PIWIL1: variants seen among roughly 807,000 people sequenced by gnomAD.
The protein encoded by PIWIL1 is piwi like RNA-mediated gene silencing 1, also known as piwi-like protein 1.
A neutral mutation model predicts 114.4 loss-of-function variants in PIWIL1; 73 were observed. The ratio of observed to expected loss-of-function variants is 0.64; its 90% CI spans 0.53 to 0.78. The LOEUF (loss-of-function observed/expected upper bound fraction) is 0.78, where lower values mean the gene tolerates loss of function less well. Among genes scored for constraint, PIWIL1 ranks in the 30% least tolerant of loss-of-function variants. The pLI is 0.00. For synonymous variants in PIWIL1, 375 were observed against 369.0 expected (o/e 1.02, Z -0.19); for missense variants, 723 against 1,063.1 (o/e 0.68, Z 4.45).
intron 12 of PIWIL1, 61 bp downstream of exon 12, chr12:130,355,728 C>A: frequency 8.6e-7 from 1 of 1,161,322 alleles, no homozygotes; most frequent in Non-Finnish European, 1.3e-6. Context: ...CTCTGTCCCC[C>A]AGGCAGGAGT....
intron 18 of PIWIL1, among the ~76,000 whole-genome samples, chr12:130,363,829 G>A (rs11833688): frequency 0.09 from 13,613 of 151,908 alleles, 1,984 homozygotes; most frequent in African/African-American, 0.31. Flanking sequence ...CGTTTGCCAA[G>A]CTGGTCTCAA....
chr12:130,393,926 A>G, the PIWIL1 span, among the ~76,000 whole-genome samples: 1 of 152,086 alleles, frequency 6.6e-6, no homozygotes, highest in Non-Finnish European at 1.5e-5. Context: ...GGAGCAGAAA[A>G]ATTTTGCATT....
the PIWIL1 span, among the ~76,000 whole-genome samples, chr12:130,417,788 G>C: frequency 6.6e-6 from 1 of 152,188 alleles, no homozygotes; most frequent in African/African-American, 2.4e-5. Context: ...TAATACATAT[G>C]CATATATATA....
the PIWIL1 span, among the ~76,000 whole-genome samples, chr12:130,392,697 A>G: frequency 2.8e-3 from 393 of 138,264 alleles, no homozygotes; most frequent in Admixed American, 6.0e-3. Flanking sequence ...TACCTGGTGA[A>G]TATTGAATGT....
rs1345734730 is a variant in PIWIL1, at chr12:130,355,639, C to T, written c.1376C>T (p.Thr459Ile). ...TCCTTCTCAGGAAGAATTTTGCAAA[C>T]AGAAAAGATTCACCAAGGTGGAAAA... is the stretch of plus-strand genomic sequence containing the variant. Reference protein sequence around the residue: ...LLSFSGRILQTEKIHQGGKTF... With the variant: ...LLSFSGRILQIEKIHQGGKTF... Residue 459 changes from threonine to isoleucine, a missense_variant, in exon 12 of 21, where the codon ACA (threonine) becomes ATA (isoleucine). Thr to Ile is a moderately conservative substitution (Grantham distance 89, BLOSUM62 -1). This residue lies in a region of PIWIL1 where 298 missense variants were observed against 420.8 expected (regional missense o/e 0.71). Coordinates refer to ENST00000245255, the MANE Select transcript of PIWIL1 (RefSeq NM_004764.5). The T allele has an allele frequency of 1.2e-6, 2 of 1,613,810 alleles. No individual in the cohort carries two copies. The highest frequency in any genetic ancestry group is 3.3e-5 in the Admixed American group (2 of 60,026).
chr12:130,342,619 A>G lies in PIWIL1; in HGVS notation c.28A>G (p.Arg10Gly). 1 of 1,614,010 alleles carries G rather than the reference A, an allele frequency of 6.2e-7. No individual in the cohort carries two copies. Among genetic ancestry groups the G allele is most frequent in the Non-Finnish European group, 8.5e-7 (1 of 1,179,876 alleles). ...GACTGGGAGAGCCCGAGCCAGAGCCAGAGGAAGGGCCCGCGGTCAGGAGAC... is the reference window on the plus strand; with the variant it reads ...GACTGGGAGAGCCCGAGCCAGAGCCGGAGGAAGGGCCCGCGGTCAGGAGAC... MTGRARARA[R>G]GRARGQETAQ... Residue 10 changes from arginine to glycine, a missense_variant, in exon 2 of 21, where the codon AGA becomes GGA. Arg to Gly is a moderately radical substitution (Grantham distance 125). Transcript: ENST00000245255.
chr12:130,401,108 GATTTT>G, the PIWIL1 span, among the ~76,000 whole-genome samples: 1 of 151,788 alleles, frequency 6.6e-6, no homozygotes, highest in Non-Finnish European at 1.5e-5. Context: ...ACTTAAAAAT[GATTTT>G]ATATCTTTTT....
chr12:130,392,754 G>T, the PIWIL1 span, among the ~76,000 whole-genome samples: 1 of 108,970 alleles, frequency 9.2e-6, no homozygotes, highest in Admixed American at 9.3e-5. Flanking sequence ...CAGTTACCTG[G>T]TGAATATTGA....
intron 19 of PIWIL1, among the ~76,000 whole-genome samples, chr12:130,367,822 CAG>C (rs1458989125): frequency 1.3e-5 from 2 of 152,122 alleles, no homozygotes; most frequent in African/African-American, 4.8e-5. Flanking sequence ...TTTTTTGGGA[CAG>C]AGTCACTGTG....
chr12:130,393,537 T>TAA, the PIWIL1 span, among the ~76,000 whole-genome samples: 1 of 117,594 alleles, frequency 8.5e-6, no homozygotes, highest in Admixed American at 8.1e-5. Flanking sequence ...GTGCATCAGT[T>TAA]CTGGTGAATA....
rs761727169 is a variant in PIWIL1 at position 130,361,381 on chromosome 12, G to T, written c.1866+1G>T. The T allele has an allele frequency of 6.2e-7, 1 of 1,613,966 alleles. No individual in the cohort carries two copies. The highest frequency in any genetic ancestry group is 8.5e-7 in the Non-Finnish European group (1 of 1,179,838). On this transcript the variant is annotated splice_donor_variant, in intron 15 of 20. Transcript: ENST00000245255. LOFTEE classifies it high-confidence loss of function. ...AGAGCTCTGGAGGGTGGACATCCCC[G>T]TGAGTTTGATTTAATTGGTAGATGC...
intron 9 of PIWIL1, among the ~76,000 whole-genome samples, chr12:130,350,475 C>T (rs1009362254): frequency 1.3e-5 from 2 of 152,052 alleles, no homozygotes; most frequent in Non-Finnish European, 2.9e-5. Context: ...GTCTTTTGGG[C>T]GATCATCTAA....
intron 14 of PIWIL1, among the ~76,000 whole-genome samples, chr12:130,360,523 C>T (rs1468467895): frequency 1.3e-5 from 2 of 152,184 alleles, no homozygotes; most frequent in African/African-American, 4.8e-5. Flanking sequence ...GTCCCAGCTA[C>T]TCTGGGGGCT....
chr12:130,398,998 T>G, the PIWIL1 span: 2 of 457,652 alleles, frequency 4.4e-6, no homozygotes, highest in Non-Finnish European at 3.8e-6. Flanking sequence ...TTGAGACATA[T>G]TTCTTTGTAT....
intron 2 of PIWIL1, 137 bp downstream of exon 2, chr12:130,342,806 A>G (rs2072961076): frequency 2.6e-6 from 2 of 760,058 alleles, no homozygotes; most frequent in Non-Finnish European, 4.5e-6. Context: ...TTTCCTCAGG[A>G]TATTAGAAGC....
the PIWIL1 span, among the ~76,000 whole-genome samples, chr12:130,392,535 GACC>G: frequency 1.5e-5 from 2 of 131,102 alleles, no homozygotes; most frequent in African/African-American, 6.2e-5. Context: ...ATATTGTGAT[GACC>G]CAGTCACCAT....
At chr12:130,345,586 C>A (rs2073048158) in intron 3 of PIWIL1, 167 bp from the exon 4 acceptor site, 3 of 648,876 alleles carry the variant, frequency 4.6e-6, no homozygotes, top group Non-Finnish European at 7.7e-6. Flanking sequence ...GGAAACCATT[C>A]TCTCGTTAGG....
downstream of PIWIL1, among the ~76,000 whole-genome samples, chr12:130,374,270 A>T (rs540262950): frequency 1.4e-4 from 22 of 152,176 alleles, no homozygotes; most frequent in Non-Finnish European, 3.1e-4. Flanking sequence ...GTCAAATAGA[A>T]AGTATTTTCA....
chr12:130,407,376 T>A, the PIWIL1 span, among the ~76,000 whole-genome samples: 1 of 152,180 alleles, frequency 6.6e-6, no homozygotes, highest in South Asian at 2.1e-4. Context: ...CTGCTTTGCT[T>A]TTGTTTGCTG....
Sources: gnomAD v4.1 joint callset for allele counts (sites outside exome capture counted in the v4.1 genomes callset) on GRCh38, gnomAD v4.1.1 for gene constraint, gnomAD v4.1.1 regional missense constraint, MANE v1.5 for transcripts, NCBI Gene and HGNC (gene_info 2026-07-23, HGNC 2026-07-21) for gene names.